The following MARS1 variants were observed in gnomAD, a reference collection of about 807,000 sequenced individuals.
The protein encoded by MARS1 is methionyl-tRNA synthetase 1, also known as methionine--tRNA ligase, cytoplasmic.
Under a neutral mutation model 119.5 loss-of-function variants are expected in MARS1, and 80 were observed. The ratio of observed to expected loss-of-function variants is 0.67; its 90% CI spans 0.56 to 0.81. MARS1 has a LOEUF of 0.81. Among genes scored for constraint, MARS1 ranks in the 30% least tolerant of loss-of-function variants. MARS1 has a pLI of 0.00. For synonymous variants in MARS1, 418 were observed against 433.4 expected (o/e 0.96, Z 0.44); for missense variants, 945 against 1,116.5 (o/e 0.85, Z 2.19).
intron 11 of MARS1, among the ~76,000 whole-genome samples, chr12:57,510,791 G>A (rs1424535240): frequency 6.6e-6 from 1 of 151,814 alleles, no homozygotes; most frequent in African/African-American, 2.4e-5. Flanking sequence ...AAATTGGTTG[G>A]GCACGGTGGC....
At position 57,512,253 on chromosome 12, in the gene MARS1, C is replaced by G; in HGVS notation, c.1653C>G (p.Phe551Leu). Residue 551 changes from phenylalanine to leucine, a missense_variant, in exon 14 of 21, where the codon TTC becomes TTG. By Grantham distance (22) the Phe-to-Leu change is conservative (BLOSUM62 0). Coordinates refer to ENST00000262027, the MANE Select transcript of MARS1 (RefSeq NM_004990.4). ...KNPEQVDLYQ[F>L]MAKDNVPFHS... Reference sequence around the variant, plus strand: ...TCCCCTAGGTGGACCTGTATCAGTTCATGGCCAAAGACAATGTTCCTTTCC... The same window carrying G: ...TCCCCTAGGTGGACCTGTATCAGTTGATGGCCAAAGACAATGTTCCTTTCC... 6.2e-7 allele frequency: 1 copy of G among 1,614,080 alleles called. No individual in the cohort carries two copies. Among genetic ancestry groups the G allele is most frequent in the Non-Finnish European group, 8.5e-7 (1 of 1,179,946 alleles).
chr12:57,511,583 C>CAA (rs965917822), intron 11 of MARS1, 115 bp from the exon 12 acceptor site: 1 of 1,054,942 alleles, frequency 9.5e-7, no homozygotes, highest in Middle Eastern at 3.2e-4. Flanking sequence ...ACTCTGTCTC[C>CAA]AAAAAAAAAG....
chr12:57,514,741 G>A lies in MARS1; in HGVS notation c.1989G>A (p.Lys663=). The A allele has an allele frequency of 1.9e-6, 3 of 1,614,198 alleles. No homozygotes were observed. The highest frequency in any genetic ancestry group is 2.5e-6 in the Non-Finnish European group (3 of 1,180,048). ...FINRAGMFVS[K]FFGGYVPEMV... ...CAAGAGCTGGGATGTTTGTGTCTAA[G>A]TTCTTTGGGGGCTATGTGCCTGAGA... Residue 663 remains lysine, a synonymous_variant, in exon 16 of 21, where the codon AAG becomes AAA. Transcript: ENST00000262027.
intron 10 of MARS1, among the ~76,000 whole-genome samples, chr12:57,502,167 G>A (rs989942497): frequency 6.6e-6 from 1 of 152,160 alleles, no homozygotes; most frequent in African/African-American, 2.4e-5. Flanking sequence ...TGGAATTTGG[G>A]ATGGTCAGGA....
intron 11 of MARS1, among the ~76,000 whole-genome samples, chr12:57,504,594 T>C (rs1565646818): frequency 6.6e-6 from 1 of 151,714 alleles, no homozygotes; most frequent in Non-Finnish European, 1.5e-5. Context: ...CTCTGTCACC[T>C]AAGCTGGAAT....
intron 7 of MARS1, among the ~76,000 whole-genome samples, chr12:57,495,286 C>T (rs1233576205): frequency 1.3e-5 from 2 of 150,298 alleles, no homozygotes; most frequent in East Asian, 2.0e-4. Context: ...CTGGATGGGG[C>T]GGCTGCCGGG....
At chr12:57,500,223 T>C (rs1304563946) in intron 9 of MARS1, 98 bp from the exon 10 acceptor site, 1 of 966,778 alleles carries the variant, frequency 1.0e-6, no homozygotes, top group Non-Finnish European at 1.7e-6. Context: ...GCCTGATTTC[T>C]TTGTCACTGA....
intron 11 of MARS1, 22 bp downstream of exon 11, chr12:57,504,321 C>A: frequency 1.2e-6 from 2 of 1,610,446 alleles, no homozygotes; most frequent in Non-Finnish European, 1.7e-6. Flanking sequence ...TTTCTCTCAA[C>A]CTAGTTTTCA....
intron 5 of MARS1, 79 bp downstream of exon 5, chr12:57,490,050 C>G (rs1875812478): frequency 3.4e-6 from 5 of 1,482,414 alleles, no homozygotes; most frequent in Non-Finnish European, 4.7e-6. Flanking sequence ...ACTGAGAACT[C>G]CCTTCAAGGT....
rs1448243377 is a variant in MARS1 at position 57,499,215 on chromosome 12, C to T, written c.1091+592C>T. Among the ~76,000 whole-genome samples the T allele has an allele frequency of 9.0e-5, 12 of 133,786 alleles. 1 individual carries two copies. Among genetic ancestry groups the T allele is most frequent in the South Asian group, 2.6e-4 (1 of 3,858 alleles). The allele number at this position is 133,786 out of a possible 152,430, so 87.8% of individuals were successfully genotyped here. ...AGAAGAATCTCTTGAACCCAGGAGG[C>T]GGAGGTTGTGGTGAGCCAAGATCAT... On this transcript the variant is annotated intron_variant, in intron 9 of 20. Coordinates refer to ENST00000262027, the MANE Select transcript of MARS1 (RefSeq NM_004990.4).
intron 11 of MARS1, among the ~76,000 whole-genome samples, chr12:57,508,673 G>A (rs1341968966): frequency 2.8e-5 from 2 of 72,366 alleles, no homozygotes; most frequent in East Asian, 3.6e-4. Context: ...GAGGGAGACC[G>A]TGGGGAGAGG....
chr12:57,511,624 G>T, intron 11 of MARS1, 74 bp from the exon 12 acceptor site: 1 of 1,527,486 alleles, frequency 6.5e-7, no homozygotes, highest in Non-Finnish European at 9.0e-7. Flanking sequence ...CTCCAAAAAG[G>T]TTATATGTGT....
chr12:57,488,860 G>C, intron 1 of MARS1, 159 bp from the exon 2 acceptor site: 1 of 765,840 alleles, frequency 1.3e-6, no homozygotes. Flanking sequence ...GCCCATTCCG[G>C]ACCACCCCCT....
At chr12:57,495,191 GA>G (rs1876536869) in intron 7 of MARS1, among the ~76,000 whole-genome samples, 1 of 149,220 alleles carries the variant, frequency 6.7e-6, no homozygotes, top group Non-Finnish European at 1.5e-5. Context: ...CCACCTCCCG[GA>G]TGGGGCGGCT....
intron 15 of MARS1, 105 bp downstream of exon 15, chr12:57,513,069 T>TGGGCAG: frequency 1.1e-6 from 1 of 905,366 alleles, no homozygotes; most frequent in Non-Finnish European, 1.8e-6. Context: ...CAGGAGGCTG[T>TGGGCAG]GAGGACACTG....
intron 7 of MARS1, among the ~76,000 whole-genome samples, chr12:57,494,812 G>C (rs145473513): frequency 6.6e-6 from 1 of 151,714 alleles, no homozygotes. Context: ...TTCAGAGAGC[G>C]CAGGGTTGGG....
chr12:57,513,953 C>T (rs1877645670), intron 15 of MARS1, among the ~76,000 whole-genome samples: 2 of 150,436 alleles, frequency 1.3e-5, no homozygotes, highest in South Asian at 2.1e-4. Context: ...ATCCCAGCTA[C>T]TCAAGAGGTT....
At chr12:57,499,391 C>T (rs1426583329) in intron 9 of MARS1, among the ~76,000 whole-genome samples, 4 of 143,732 alleles carry the variant, frequency 2.8e-5, no homozygotes, top group African/African-American at 5.3e-5. Flanking sequence ...GTCAGGAGAT[C>T]GAGACTATCC....
chr12:57,513,552 T>A (rs1369429851), intron 15 of MARS1, among the ~76,000 whole-genome samples: 1 of 144,656 alleles, frequency 6.9e-6, no homozygotes, highest in Non-Finnish European at 1.5e-5. Flanking sequence ...AGATTGAGGC[T>A]GCAGTGGAGC....
Sources: gnomAD v4.1 joint callset for allele counts (sites outside exome capture counted in the v4.1 genomes callset) on GRCh38, gnomAD v4.1.1 for gene constraint, MANE v1.5 for transcripts, NCBI Gene and HGNC (gene_info 2026-07-23, HGNC 2026-07-21) for gene names.